PLEKHG1: variants seen among roughly 807,000 people sequenced by gnomAD.
PLEKHG1 encodes the protein pleckstrin homology and RhoGEF domain containing G1.
In PLEKHG1, 44 loss-of-function variants were observed where a neutral mutation model predicts 100.8. That is an observed-to-expected ratio of 0.44 (90% CI 0.34 to 0.56). PLEKHG1 has a LOEUF of 0.56. Ranked by LOEUF, PLEKHG1 falls within the 20% of genes least tolerant of loss-of-function variation. The pLI is 0.01. For synonymous variants in PLEKHG1, 640 were observed against 662.5 expected (o/e 0.97, Z 0.52); for missense variants, 1,545 against 1,720.9 (o/e 0.90, Z 1.81).
intron 1 of PLEKHG1, among the ~76,000 whole-genome samples, chr6:150,637,552 A>G (rs910107058): frequency 1.4e-4 from 22 of 151,952 alleles, no homozygotes; most frequent in African/African-American, 5.3e-4. Flanking sequence ...TTCACACTTG[A>G]TTATTTCAGT....
chr6:150,697,036 G>C (rs1362417244), intron 3 of PLEKHG1, among the ~76,000 whole-genome samples: 1 of 151,878 alleles, frequency 6.6e-6, no homozygotes, highest in African/African-American at 2.4e-5. Context: ...GGCAGAGGTT[G>C]CGGTGAGCCA....
intron 14 of PLEKHG1, 89 bp from the exon 16 acceptor site, chr6:150,830,493 A>T: frequency 1.1e-6 from 1 of 877,666 alleles, no homozygotes; most frequent in Non-Finnish European, 1.8e-6. Flanking sequence ...CTAGTGGGGG[A>T]GGCAGTGTGT....
At chr6:150,782,884 A>G (rs1388173148) in intron 3 of PLEKHG1, among the ~76,000 whole-genome samples, 1 of 152,182 alleles carries the variant, frequency 6.6e-6, no homozygotes, top group East Asian at 1.9e-4. Context: ...GGACAAATGA[A>G]GATACTCAGA....
At chr6:150,762,462 G>A (rs1187368641) in intron 2 of PLEKHG1, among the ~76,000 whole-genome samples, 1 of 151,974 alleles carries the variant, frequency 6.6e-6, no homozygotes, top group Non-Finnish European at 1.5e-5. Flanking sequence ...GCCTCAGAAA[G>A]TACTGGGATT....
intron 1 of PLEKHG1, among the ~76,000 whole-genome samples, chr6:150,607,987 C>T (rs1354380689): frequency 3.3e-5 from 5 of 152,128 alleles, no homozygotes; most frequent in Admixed American, 3.3e-4. Context: ...CTATTTCCCC[C>T]TTTGACAATT....
chr6:150,722,413 G>A lies in PLEKHG1; in HGVS notation c.-99+1213G>A, dbSNP rs534277978. Among the ~76,000 whole-genome samples, 17 of 138,536 alleles carry A rather than the reference G, an allele frequency of 1.2e-4. No homozygotes were observed. In the South Asian group the frequency reaches 3.6e-3, roughly 29 times the overall value. 90.9% of individuals were successfully genotyped at this position (138,536 alleles called of 152,430 possible). On this transcript the variant is annotated intron_variant, in intron 1 of 15. Transcript: ENST00000358517. ...CTGTCACCCAGGCTGGAGTGCAGTG[G>A]CACGATCTTGGCTCACTGCAACCTC...
intron 1 of PLEKHG1, among the ~76,000 whole-genome samples, chr6:150,630,635 C>A (rs1261021950): frequency 6.6e-6 from 1 of 152,180 alleles, no homozygotes; most frequent in Non-Finnish European, 1.5e-5. Context: ...TGCATCTCAA[C>A]TTTAAGTGGT....
At chr6:150,719,657 G>A (rs115182334), upstream of PLEKHG1, among the ~76,000 whole-genome samples, 1,004 of 152,280 alleles carry the variant, frequency 6.6e-3, 10 homozygotes, top group African/African-American at 0.023. Context: ...CTGGCTCTTC[G>A]TTGAGCAGGA....
intron 1 of PLEKHG1, among the ~76,000 whole-genome samples, chr6:150,619,830 C>G (rs1463402417): frequency 6.6e-6 from 1 of 152,328 alleles, no homozygotes; most frequent in East Asian, 1.9e-4. Flanking sequence ...CTCCACTTCT[C>G]ATAGGAGCAC....
rs753082875 is a variant in PLEKHG1 at position 150,804,750 on chromosome 6, G to A, written c.912+9G>A. On this transcript the variant is annotated intron_variant, in intron 7 of 15. Transcript: ENST00000358517. ...ACGCGGTCCGGTTACAGGTGAGCCC[G>A]CGAGGTGTCGGTGCCCGGCAGGGTT... 9.9e-6 allele frequency: 16 copies of A among 1,610,156 alleles called. No homozygotes were observed. The highest frequency in any genetic ancestry group is 1.3e-5 in the African/African-American group (1 of 74,706).
At chr6:150,840,111 G>A (rs776930322) in exon 16 of PLEKHG1, 11 of 1,614,088 alleles carry the variant, frequency 6.8e-6, no homozygotes, top group Admixed American at 3.3e-5. Context: ...GCAATTGTCC[G>A]CAGCTTGCTC....
intron 3 of PLEKHG1, among the ~76,000 whole-genome samples, chr6:150,696,544 T>C (rs893125151): frequency 4.7e-5 from 7 of 149,908 alleles, no homozygotes; most frequent in African/African-American, 1.8e-4. Flanking sequence ...TGGTGGTCTG[T>C]TCTTCTTCAG....
chr6:150,800,653 C>A, intron 5 of PLEKHG1, 66 bp from the exon 7 acceptor site: 1 of 1,447,510 alleles, frequency 6.9e-7, no homozygotes, highest in Non-Finnish European at 9.6e-7. Context: ...CTTGCAATAG[C>A]ATTTAAAATT....
chr6:150,747,531 A>G (rs2081876691), intron 2 of PLEKHG1, among the ~76,000 whole-genome samples: 1 of 152,186 alleles, frequency 6.6e-6, no homozygotes, highest in Non-Finnish European at 1.5e-5. Context: ...CAATTGTTCT[A>G]GATAGCAGCT....
At chr6:150,827,638 C>G (rs768382006) in intron 14 of PLEKHG1, 3 of 795,422 alleles carry the variant, frequency 3.8e-6, no homozygotes. Context: ...GCACAGCTGG[C>G]TTGAGCAACT....
chr6:150,701,457 A>ATATATATATG (rs1780780819), intron 3 of PLEKHG1, among the ~76,000 whole-genome samples: 1 of 80,294 alleles, frequency 1.2e-5, no homozygotes, highest in Non-Finnish European at 2.1e-5. Flanking sequence ...ATATATATAT[A>ATATATATATG]TATATATATA....
chr6:150,643,431 T>C (rs1778356130), intron 2 of PLEKHG1, among the ~76,000 whole-genome samples: 1 of 152,174 alleles, frequency 6.6e-6, no homozygotes, highest in South Asian at 2.1e-4. Context: ...CTGTGGAACC[T>C]AGGAATTGAT....
intron 3 of PLEKHG1, among the ~76,000 whole-genome samples, chr6:150,713,314 C>T (rs1781305859): frequency 6.6e-6 from 1 of 152,082 alleles, no homozygotes; most frequent in Non-Finnish European, 1.5e-5. Context: ...GTCATCTCAA[C>T]TCATTTAGAG....
rs547454674 is a variant in PLEKHG1 at position 150,714,351 on chromosome 6, C to T, written c.-98-19233C>T. 3.9e-5 allele frequency among the ~76,000 whole-genome samples: 6 copies of T among 152,284 alleles called. No individual in the cohort carries two copies. The South Asian group carries it at 1.2e-3, about 32-fold the overall frequency. Reference sequence around the variant, plus strand: ...GTATCCTAATCAAAGAAAGGAGTGACAAATTGAGCTAATGATTGTCACAGA... The same window carrying T: ...GTATCCTAATCAAAGAAAGGAGTGATAAATTGAGCTAATGATTGTCACAGA... On this transcript the variant is annotated intron_variant, in intron 3 of 3. Coordinates refer to the PLEKHG1 transcript ENST00000367326.
Sources: gnomAD v4.1 joint callset for allele counts (sites outside exome capture counted in the v4.1 genomes callset) on GRCh38, gnomAD v4.1.1 for gene constraint, MANE v1.5 for transcripts, NCBI Gene and HGNC (gene_info 2026-07-23, HGNC 2026-07-21) for gene names.